The following TASP1 variants were observed in gnomAD, a reference collection of about 807,000 sequenced individuals.
TASP1 encodes the protein threonine aspartase 1.
TASP1 carries 16 observed loss-of-function variants against 56.6 expected under a neutral mutation model. The observed-to-expected ratio is 0.28, with a 90% confidence interval of 0.19 to 0.43. The LOEUF is 0.43. Among genes scored for constraint, TASP1 ranks in the 20% least tolerant of loss-of-function variants. TASP1 has a pLI of 1.00. For synonymous variants in TASP1, 179 were observed against 184.2 expected (o/e 0.97, Z 0.23); for missense variants, 393 against 511.6 (o/e 0.77, Z 2.24).
At chr20:13,447,469 G>C (rs1295072778) in intron 11 of TASP1, among the ~76,000 whole-genome samples, 1 of 152,082 alleles carries the variant, frequency 6.6e-6, no homozygotes, top group African/African-American at 2.4e-5. Flanking sequence ...AAACTCTTTT[G>C]TGGCTGGTTA....
At chr20:13,366,715 TA>T in the TASP1 span, among the ~76,000 whole-genome samples, 1 of 152,318 alleles carries the variant, frequency 6.6e-6, no homozygotes, top group South Asian at 2.1e-4. Context: ...GACTTCCCTG[TA>T]CTAAGAAAAT....
chr20:13,525,986 CT>C (rs894213486), intron 10 of TASP1, among the ~76,000 whole-genome samples: 6 of 152,150 alleles, frequency 3.9e-5, no homozygotes, highest in African/African-American at 1.4e-4. Flanking sequence ...CTATCTTCAA[CT>C]GACACAGGAT....
At chr20:13,506,881 C>CAAAAA (rs3042648) in intron 10 of TASP1, among the ~76,000 whole-genome samples, 3 of 144,000 alleles carry the variant, frequency 2.1e-5, no homozygotes, top group Admixed American at 6.9e-5. Context: ...GAAATTAGGC[C>CAAAAA]AAAAAAAAAA....
intron 11 of TASP1, among the ~76,000 whole-genome samples, chr20:13,457,038 G>T (rs1025738011): frequency 6.6e-6 from 1 of 151,932 alleles, no homozygotes; most frequent in East Asian, 1.9e-4. Flanking sequence ...ACCAAACACC[G>T]CATGTTCTCA....
the TASP1 span, among the ~76,000 whole-genome samples, chr20:13,249,732 A>T: frequency 2.8e-4 from 43 of 152,282 alleles, 1 homozygote; most frequent in East Asian, 6.8e-3. Flanking sequence ...AGCCAAAGGA[A>T]GTACTTCTCC....
the TASP1 span, among the ~76,000 whole-genome samples, chr20:13,206,116 T>C: frequency 2.6e-5 from 4 of 152,056 alleles, no homozygotes; most frequent in African/African-American, 7.2e-5. Context: ...ATACGGGACA[T>C]TGGCAGTGTC....
intron 6 of TASP1, among the ~76,000 whole-genome samples, chr20:13,570,261 C>T (rs2046667117): frequency 6.6e-6 from 1 of 152,078 alleles, no homozygotes; most frequent in South Asian, 2.1e-4. Flanking sequence ...ATAATTACCC[C>T]ATTCCCTAAG....
chr20:13,137,917 T>G, the TASP1 span, among the ~76,000 whole-genome samples: 174 of 152,280 alleles, frequency 1.1e-3, no homozygotes, highest in Middle Eastern at 6.8e-3. Context: ...TTTCTGCTAC[T>G]CAAGCTCATC....
At chr20:13,379,505 A>C in the TASP1 span, among the ~76,000 whole-genome samples, 1 of 152,058 alleles carries the variant, frequency 6.6e-6, no homozygotes, top group African/African-American at 2.4e-5. Context: ...GCTACCCTTA[A>C]TATTTTTTCC....
the TASP1 span, among the ~76,000 whole-genome samples, chr20:13,119,995 C>T: frequency 6.6e-6 from 1 of 152,152 alleles, no homozygotes; most frequent in Non-Finnish European, 1.5e-5. Flanking sequence ...TCCTTTGTAC[C>T]TTTAATTCTT....
chr20:13,146,707 G>C, the TASP1 span, among the ~76,000 whole-genome samples: 13 of 152,240 alleles, frequency 8.5e-5, no homozygotes, highest in South Asian at 1.2e-3. Context: ...GTTCCAAACA[G>C]TGTCAGAAAT....
At chr20:13,327,297 C>G in the TASP1 span, among the ~76,000 whole-genome samples, 2 of 152,134 alleles carry the variant, frequency 1.3e-5, no homozygotes, top group African/African-American at 4.8e-5. Flanking sequence ...AACCACTGCT[C>G]AAGAAAATCA....
At chr20:13,273,233 T>A in the TASP1 span, among the ~76,000 whole-genome samples, 9 of 149,188 alleles carry the variant, frequency 6.0e-5, no homozygotes, top group South Asian at 1.9e-3. Flanking sequence ...TTATTTTATT[T>A]TATTTTATTT....
chr20:13,179,902 T>C, the TASP1 span, among the ~76,000 whole-genome samples: 2 of 152,264 alleles, frequency 1.3e-5, no homozygotes, highest in South Asian at 2.1e-4. Context: ...GATGAATCTG[T>C]TGATTTCCCC....
In TASP1 at chr20:13,528,452, G is replaced by C; in HGVS notation, c.855C>G (p.Ser285=). Residue 285 remains serine (S), a synonymous_variant, in exon 10 of 14, where the codon TCC becomes TCG. Coordinates refer to ENST00000337743, the MANE Select transcript of TASP1 (RefSeq NM_017714.3). ...AAATACCTGAGGTACTCACAGCTGT[G>C]GAGTAGGGGTTATGAGCTCCAGTAT... The part of the protein sequence containing the change: ...AENTGAHNPY[S]TAVSTSGCGE... The C allele has an allele frequency of 6.2e-7, 1 of 1,609,786 alleles. No homozygotes were observed. The highest frequency in any genetic ancestry group is 8.5e-7 in the Non-Finnish European group (1 of 1,177,148).
the TASP1 span, among the ~76,000 whole-genome samples, chr20:13,226,216 C>T: frequency 3.6e-4 from 55 of 152,258 alleles, 1 homozygote; most frequent in African/African-American, 1.3e-3. Flanking sequence ...TCTTTTATCC[C>T]TTTATTGCCT....
chr20:13,575,193 T>G (rs984857696), intron 6 of TASP1, among the ~76,000 whole-genome samples: 3 of 152,218 alleles, frequency 2.0e-5, no homozygotes, highest in African/African-American at 7.2e-5. Flanking sequence ...CTAAATTAGC[T>G]AACTAAATTT....
chr20:13,503,617 C>A (rs1186090251), intron 10 of TASP1, among the ~76,000 whole-genome samples: 2 of 149,294 alleles, frequency 1.3e-5, no homozygotes, highest in Non-Finnish European at 3.0e-5. Flanking sequence ...ATTAATTGAT[C>A]AAAAAAATGG....
chr20:13,417,154 T>G (rs1453559597), intron 13 of TASP1, among the ~76,000 whole-genome samples: 14 of 152,170 alleles, frequency 9.2e-5, no homozygotes, highest in Non-Finnish European at 5.9e-5. Flanking sequence ...CAAACCCCAG[T>G]TTCCTCTTCT....
Sources: gnomAD v4.1 joint callset for allele counts (sites outside exome capture counted in the v4.1 genomes callset) on GRCh38, gnomAD v4.1.1 for gene constraint, MANE v1.5 for transcripts, NCBI Gene and HGNC (gene_info 2026-07-23, HGNC 2026-07-21) for gene names.